The following CUTA variants were observed in gnomAD, a reference collection of about 807,000 sequenced individuals.
CUTA encodes the protein protein CutA.
In CUTA, 21 loss-of-function variants were observed where a neutral mutation model predicts 20.7. That is an observed-to-expected ratio of 1.01 (90% CI 0.72 to 1.46). CUTA has a LOEUF of 1.46. CUTA is among the 40% of genes most tolerant of loss of function. CUTA has a pLI of 0.00. For synonymous variants in CUTA, 99 were observed against 97.9 expected, an observed-to-expected ratio of 1.01 and a Z score of -0.07; for missense variants, 231 against 226.8, an observed-to-expected ratio of 1.02 and a Z score of -0.12.
chr6:33,417,509 T>C lies in CUTA; in HGVS notation c.229A>G (p.Asn77Asp). The C allele has an allele frequency of 6.2e-7, 1 of 1,614,054 alleles. No homozygotes were observed. Among genetic ancestry groups the C allele is most frequent in the Non-Finnish European group, 8.5e-7 (1 of 1,180,006 alleles). The change falls in exon 2 of 6, where the codon AAC becomes GAC. Residue 77 changes from asparagine (N) to aspartate (D), a missense_variant. Transcript: ENST00000488034. ...SVSAAFVTCP[N>D]EKVAKEIARA... ...GCGATCTCCTTGGCGACCTTCTCGT[T>C]GGGGCAAGTAACAAAGGCTGCAGAG...
Position 33,416,922 on chromosome 6 carries a change from A to G in CUTA, c.411T>C (p.Val137=). The G allele has an allele frequency of 6.2e-7, 1 of 1,614,178 alleles. No individual in the cohort carries two copies. Among genetic ancestry groups the G allele is most frequent in the Non-Finnish European group, 8.5e-7 (1 of 1,179,996 alleles). Residue 137 remains valine (V), a splice_region_variant and synonymous_variant, in exon 5 of 6, where the codon GTT becomes GTC. Coordinates refer to ENST00000488034, the MANE Select transcript of CUTA (RefSeq NM_001014840.2). ...SSLVPALTDF[V]RSVHPYEVAE... ...CCCATCCATCTCAAAGTTCTCACCG[A>G]ACAAAATCTGTCAAAGCTGGGACCA...
rs755377489 is a variant in CUTA at position 33,417,261 on chromosome 6, T to C, written c.307A>G (p.Ile103Val). The C allele has an allele frequency of 5.0e-6, 8 of 1,614,030 alleles. No homozygotes were observed. Among genetic ancestry groups the C allele is most frequent in the Non-Finnish European group, 5.9e-6 (7 of 1,180,038 alleles). The stretch of plus-strand genomic sequence containing the variant: ...ACTCCTATGACTCACATGGATGTAA[T>C]CTGAGGGATGAGGTTGACGCAGGCT... ...LAACVNLIPQ[I>V]TSIYEWKGKI... Residue 103 changes from isoleucine to valine, a missense_variant, in exon 3 of 6, where the codon ATT becomes GTT. Coordinates refer to ENST00000488034, the MANE Select transcript of CUTA (RefSeq NM_001014840.2).
intron 1 of CUTA, 27 bp from the exon 2 acceptor site, chr6:33,417,722 C>A: frequency 6.3e-7 from 1 of 1,588,300 alleles, no homozygotes. Flanking sequence ...AATTCGATCT[C>A]TCCTCACAAA....
Position 33,416,644 on chromosome 6 carries a change from G to GTTCCT in CUTA, c.*5_*6insAGGAA. ...GGATCTTCATGATGAGCAGGAACAGGGCTCATCATGGCAGGACTGTGATAG... is the reference window on the plus strand; with the variant it reads ...GGATCTTCATGATGAGCAGGAACAGGTTCCTGCTCATCATGGCAGGACTGTGATAG... On this transcript the variant is annotated 3_prime_UTR_variant, in exon 6 of 6. Transcript: ENST00000488034. The GTTCCT allele has an allele frequency of 3.4e-6, 5 of 1,463,098 alleles. No individual in the cohort carries two copies. Among genetic ancestry groups the GTTCCT allele is most frequent in the Non-Finnish European group, 4.8e-6 (5 of 1,042,390 alleles). The allele number at this position is 1,463,098 out of a possible 1,614,324, so 90.6% of individuals were successfully genotyped here.
chr6:33,416,878 A>G (rs757792573), intron 5 of CUTA, 42 bp downstream of exon 5: 1 of 1,612,302 alleles, frequency 6.2e-7, no homozygotes, highest in African/African-American at 1.3e-5. Context: ...AGTCACACCC[A>G]CACAGTACAC....
chr6:33,417,876 G>A, intron 1 of CUTA, 83 bp downstream of exon 1: 1 of 1,564,164 alleles, frequency 6.4e-7, no homozygotes, highest in South Asian at 1.2e-5. Context: ...CACACCTCAG[G>A]GGGCCAACCT....
chr6:33,417,415 T>A, intron 2 of CUTA, 66 bp downstream of exon 2: 1 of 1,611,544 alleles, frequency 6.2e-7, no homozygotes, highest in Non-Finnish European at 8.5e-7. Flanking sequence ...AAAGCAGCAC[T>A]CTTCTGCCCC....
Position 33,416,955 on chromosome 6 carries a change from T to C in CUTA, c.378A>G (p.Gln126=), listed in dbSNP as rs2151115575. 1 of 1,614,076 alleles carries C rather than the reference T, an allele frequency of 6.2e-7. No homozygotes were observed. The highest frequency in any genetic ancestry group is 8.5e-7 in the Non-Finnish European group (1 of 1,179,994). ...DSEVLMMIKT[Q]SSLVPALTDF... ...CTGTCAAAGCTGGGACCAAGGAACT[T>C]TGGGTTTTAATCATCTAAGGGACAA... Residue 126 remains glutamine (Q), a synonymous_variant, in exon 5 of 6, where the codon CAA becomes CAG. Transcript: ENST00000488034.
intron 4 of CUTA, 30 bp from the exon 5 acceptor site, chr6:33,416,999 CAAG>C (rs753033955): frequency 1.4e-5 from 22 of 1,613,500 alleles, no homozygotes; most frequent in East Asian, 4.5e-5. Flanking sequence ...ATGGTTGAAT[CAAG>C]GAGTGGGATT....
chr6:33,417,850 A>C (rs778681888), intron 1 of CUTA, 109 bp downstream of exon 1: 3 of 1,548,232 alleles, frequency 1.9e-6, no homozygotes, highest in Non-Finnish European at 2.6e-6. Flanking sequence ...AAAATAAAGC[A>C]AAAGCTCATT....
chr6:33,416,580 G>A lies in CUTA; in HGVS notation c.*70C>T, dbSNP rs773698135. On this transcript the variant is annotated 3_prime_UTR_variant, in exon 6 of 6. Coordinates refer to ENST00000488034, the MANE Select transcript of CUTA (RefSeq NM_001014840.2). ...AAAGACGGGATTTATTGGGGGCCCA[G>A]TCATCACCTGGAAGTCAGAAGGCGT... 1.1e-6 allele frequency: 1 copy of A among 936,610 alleles called. No homozygotes were observed. Among genetic ancestry groups the A allele is most frequent in the East Asian group, 2.4e-5 (1 of 41,250 alleles). The allele number at this position is 936,610 out of a possible 1,614,324, so 58.0% of individuals were successfully genotyped here. A position where few individuals can be genotyped will look rare whatever the true frequency, so the allele number is the denominator to read the frequency against.
At chr6:33,416,879 C>T (rs1487841637) in intron 5 of CUTA, 41 bp downstream of exon 5, 2 of 1,612,660 alleles carry the variant, frequency 1.2e-6, no homozygotes, top group Non-Finnish European at 1.7e-6. Flanking sequence ...GTCACACCCA[C>T]ACAGTACACA....
At chr6:33,417,849 C>T (rs1282398695) in intron 1 of CUTA, 110 bp downstream of exon 1, 2 of 1,547,740 alleles carry the variant, frequency 1.3e-6, no homozygotes, top group Admixed American at 3.9e-5. Context: ...GAAAATAAAG[C>T]AAAAGCTCAT....
In CUTA at chr6:33,416,612, A is replaced by G. The variant is rs769140145; in HGVS notation, c.*38T>C. ...CCTGGAAGTCAGAAGGCGTTGAAGT[A>G]TCGCGGGGATCTTCATGATGAGCAG... On this transcript the variant is annotated 3_prime_UTR_variant, in exon 6 of 6. Coordinates refer to ENST00000488034, the MANE Select transcript of CUTA (RefSeq NM_001014840.2). 12 of 1,200,214 alleles carry G rather than the reference A, an allele frequency of 1.0e-5. No homozygotes were observed. Among genetic ancestry groups the G allele is most frequent in the South Asian group, 2.4e-5 (2 of 82,956 alleles). The allele number at this position is 1,200,214 out of a possible 1,614,324, so 74.3% of individuals were successfully genotyped here. A position where few individuals can be genotyped will look rare whatever the true frequency, so the allele number is the denominator to read the frequency against.
At chr6:33,417,025 T>TCAGAAGAG in intron 4 of CUTA, 56 bp from the exon 5 acceptor site, 1 of 1,613,198 alleles carries the variant, frequency 6.2e-7, no homozygotes, top group Non-Finnish European at 8.5e-7. Flanking sequence ...GTTCAGTTTC[T>TCAGAAGAG]CAGAAGAGGG....
In CUTA at chr6:33,416,561, G is replaced by T; in HGVS notation, c.*89C>A. On this transcript the variant is annotated 3_prime_UTR_variant, in exon 6 of 6. Transcript: ENST00000488034. ...GCAAAAGGCAGAGAGACCCAAAGACGGGATTTATTGGGGGCCCAGTCATCA... is the reference window on the plus strand; with the variant it reads ...GCAAAAGGCAGAGAGACCCAAAGACTGGATTTATTGGGGGCCCAGTCATCA... 1 of 818,228 alleles carries T rather than the reference G, an allele frequency of 1.2e-6. No homozygotes were observed. The highest frequency in any genetic ancestry group is 2.1e-6 in the Non-Finnish European group (1 of 469,120). The allele number at this position is 818,228 out of a possible 1,614,324, so 50.7% of individuals were successfully genotyped here. A position where few individuals can be genotyped will look rare whatever the true frequency, so the allele number is the denominator to read the frequency against.
In CUTA at chr6:33,416,557, A is replaced by G. The variant is rs1776492357; in HGVS notation, c.*93T>C. On this transcript the variant is annotated 3_prime_UTR_variant, in exon 6 of 6. Coordinates refer to ENST00000488034, the MANE Select transcript of CUTA (RefSeq NM_001014840.2). ...ACAGGCAAAAGGCAGAGAGACCCAA[A>G]GACGGGATTTATTGGGGGCCCAGTC... The G allele has an allele frequency of 2.5e-6, 2 of 810,752 alleles. No individual in the cohort carries two copies. Among genetic ancestry groups the G allele is most frequent in the Admixed American group, 3.8e-5 (2 of 52,048 alleles). 50.2% of individuals were successfully genotyped at this position (810,752 alleles called of 1,614,324 possible).
At position 33,416,931 on chromosome 6, in the gene CUTA, T is replaced by C. The variant is rs1236318845; in HGVS notation, c.402A>G (p.Thr134=). The C allele has an allele frequency of 6.2e-7, 1 of 1,614,108 alleles. No homozygotes were observed. The highest frequency in any genetic ancestry group is 1.1e-5 in the South Asian group (1 of 91,086). The change falls in exon 5 of 6, where the codon ACA becomes ACG. Residue 134 remains threonine, a synonymous_variant. Coordinates refer to ENST00000488034, the MANE Select transcript of CUTA (RefSeq NM_001014840.2). ...CTCAAAGTTCTCACCGAACAAAATCTGTCAAAGCTGGGACCAAGGAACTTT... is the reference window on the plus strand; with the variant it reads ...CTCAAAGTTCTCACCGAACAAAATCCGTCAAAGCTGGGACCAAGGAACTTT... The part of the protein sequence containing the change: ...KTQSSLVPAL[T]DFVRSVHPYE...
Position 33,417,136 on chromosome 6 carries a change from C to T in CUTA, c.324G>A (p.Glu108=). The T allele has an allele frequency of 6.2e-7, 1 of 1,611,418 alleles. No homozygotes were observed. Among genetic ancestry groups the T allele is most frequent in the Non-Finnish European group, 8.5e-7 (1 of 1,178,096 alleles). Residue 108 remains glutamate (E), a synonymous_variant, in exon 4 of 6, where the codon GAG becomes GAA. Coordinates refer to ENST00000488034, the MANE Select transcript of CUTA (RefSeq NM_001014840.2). Reference sequence around the variant, plus strand: ...TGTCTTCCTCGATCTTCCCTTTCCACTCATAGCTGAAAGGTCAGAGGGGGA... The same window carrying T: ...TGTCTTCCTCGATCTTCCCTTTCCATTCATAGCTGAAAGGTCAGAGGGGGA... The part of the protein sequence containing the change: ...NLIPQITSIY[E]WKGKIEEDSE...
Sources: gnomAD v4.1 joint callset for allele counts on GRCh38, gnomAD v4.1.1 for gene constraint, MANE v1.5 for transcripts, NCBI Gene and HGNC (gene_info 2026-07-23, HGNC 2026-07-21) for gene names.